The following TBCEL variants were observed in gnomAD, a reference collection of about 807,000 sequenced individuals.
TBCEL encodes the protein tubulin folding cofactor E like.
Under a neutral mutation model 44.2 loss-of-function variants are expected in TBCEL, and 15 were observed. The observed-to-expected ratio is 0.34, with a 90% CI of 0.23 to 0.52. TBCEL has a LOEUF of 0.52. Among genes scored for constraint, TBCEL ranks in the 20% least tolerant of loss-of-function variants. TBCEL has a pLI of 0.95. For synonymous variants in TBCEL, 171 were observed against 185.4 expected (o/e 0.92, Z 0.63); for missense variants, 319 against 506.3 (o/e 0.63, Z 3.55).
intron 8 of TBCEL, among the ~76,000 whole-genome samples, chr11:121,079,126 ACT>A: frequency 6.6e-6 from 1 of 152,362 alleles, no homozygotes; most frequent in Middle Eastern, 3.4e-3. Flanking sequence ...ACTTCAAGAT[ACT>A]TTGCTATATG....
At chr11:121,027,288 C>A (rs994897161) in intron 1 of TBCEL, among the ~76,000 whole-genome samples, 2 of 152,134 alleles carry the variant, frequency 1.3e-5, no homozygotes, top group African/African-American at 4.8e-5. Flanking sequence ...TTGAGATTTA[C>A]TATTCCTCCC....
In TBCEL at chr11:121,088,299, A is replaced by AAG. The variant is rs1359780005; in HGVS notation, c.*1204_*1205dup. 1 of 152,214 alleles carries AAG rather than the reference A, an allele frequency of 6.6e-6. No homozygotes were observed. Among genetic ancestry groups the AAG allele is most frequent in the Non-Finnish European group, 1.5e-5 (1 of 68,036 alleles). 9.4% of individuals were successfully genotyped at this position (152,214 alleles called of 1,614,324 possible). A position where few individuals can be genotyped will look rare whatever the true frequency, so the allele number is the denominator to read the frequency against. The stretch of plus-strand genomic sequence containing the variant: ...ACATTTCAATTTAGTTGCCTCATAG[A>AAG]AGTATAACTGCCCAATCTATGAGTA... On this transcript the variant is annotated 3_prime_UTR_variant, in exon 9 of 9. Transcript: ENST00000683345.
At chr11:121,028,694 C>T (rs1565489353) in intron 1 of TBCEL, among the ~76,000 whole-genome samples, 1 of 152,212 alleles carries the variant, frequency 6.6e-6, no homozygotes, top group Non-Finnish European at 1.5e-5. Flanking sequence ...CAACAGTGGT[C>T]ACCGCAGTAA....
intron 2 of TBCEL, among the ~76,000 whole-genome samples, chr11:121,044,247 A>G (rs1476513681): frequency 2.0e-5 from 3 of 152,062 alleles, no homozygotes; most frequent in African/African-American, 7.2e-5. Context: ...TTTCCTGCAT[A>G]TTCATCAGCT....
At chr11:121,038,838 A>G (rs1945280267) in intron 2 of TBCEL, among the ~76,000 whole-genome samples, 1 of 152,120 alleles carries the variant, frequency 6.6e-6, no homozygotes, top group African/African-American at 2.4e-5. Flanking sequence ...AAGCCTCTCA[A>G]AGGTATGATT....
At chr11:121,049,420 A>G (rs1344955606) in intron 4 of TBCEL, among the ~76,000 whole-genome samples, 1 of 151,850 alleles carries the variant, frequency 6.6e-6, no homozygotes, top group Non-Finnish European at 1.5e-5. Context: ...TAAATCTGGT[A>G]ACTGTGTTCG....
chr11:121,034,557 C>T (rs1945198308), intron 1 of TBCEL, among the ~76,000 whole-genome samples: 1 of 152,062 alleles, frequency 6.6e-6, no homozygotes, highest in African/African-American at 2.4e-5. Flanking sequence ...TTGGTATGCA[C>T]AATCAGAAGT....
chr11:121,044,612 AT>A (rs2134917281), intron 2 of TBCEL, among the ~76,000 whole-genome samples: 1 of 152,236 alleles, frequency 6.6e-6, no homozygotes, highest in Admixed American at 6.5e-5. Flanking sequence ...ACAGAGGTCA[AT>A]TTTAGCTGCC....
intron 5 of TBCEL, among the ~76,000 whole-genome samples, chr11:121,054,551 G>A (rs1418926624): frequency 6.6e-6 from 1 of 151,824 alleles, no homozygotes; most frequent in Non-Finnish European, 1.5e-5. Flanking sequence ...GCAGAAGTAG[G>A]ACTAAAATCT....
intron 4 of TBCEL, among the ~76,000 whole-genome samples, chr11:121,050,793 G>C (rs1353867332): frequency 6.6e-6 from 1 of 151,656 alleles, no homozygotes; most frequent in African/African-American, 2.4e-5. Flanking sequence ...CCAAAGTAAA[G>C]GGTCCCCTAT....
At chr11:121,061,111 A>G (rs1945713643) in intron 8 of TBCEL, among the ~76,000 whole-genome samples, 1 of 152,076 alleles carries the variant, frequency 6.6e-6, no homozygotes, top group Non-Finnish European at 1.5e-5. Context: ...GATTTTTAAG[A>G]TAACTTTTAA....
chr11:121,050,063 T>C (rs1047568936), intron 4 of TBCEL, among the ~76,000 whole-genome samples: 1 of 151,766 alleles, frequency 6.6e-6, no homozygotes, highest in Non-Finnish European at 1.5e-5. Flanking sequence ...ATCATTCCTT[T>C]ATATTTCCTC....
In TBCEL at chr11:121,081,333, C is replaced by T. The variant is rs374690208; in HGVS notation, c.957-5445C>T. ...AGAGAACTTCTGAACACAAATACGG[C>T]GTACTTTACATTTTAGCATTTGATG... is the stretch of plus-strand genomic sequence containing the variant. On this transcript the variant is annotated intron_variant, in intron 8 of 8. Coordinates refer to ENST00000683345, the MANE Select transcript of TBCEL (RefSeq NM_001363644.2). Among the ~76,000 whole-genome samples, 160 of 152,208 alleles carry T rather than the reference C, an allele frequency of 1.1e-3. 1 individual carries two copies. Among genetic ancestry groups the T allele is most frequent in the African/African-American group, 3.4e-3 (140 of 41,510 alleles).
intron 1 of TBCEL, among the ~76,000 whole-genome samples, chr11:121,034,459 G>A (rs1945196625): frequency 6.6e-6 from 1 of 152,130 alleles, no homozygotes; most frequent in Non-Finnish European, 1.5e-5. Flanking sequence ...ATGTATTCTA[G>A]CCGTAGCTAT....
chr11:121,061,994 A>C (rs554322067), intron 8 of TBCEL, among the ~76,000 whole-genome samples: 2 of 152,152 alleles, frequency 1.3e-5, no homozygotes, highest in Non-Finnish European at 2.9e-5. Flanking sequence ...TTTAAAATGC[A>C]AACATTGTAC....
intron 1 of TBCEL, among the ~76,000 whole-genome samples, chr11:121,035,043 T>G (rs139077384): frequency 2.8e-3 from 428 of 152,314 alleles, no homozygotes; most frequent in Middle Eastern, 0.014. Flanking sequence ...ACCTAAAAAT[T>G]AGCTTATTTA....
chr11:121,090,239 C>A lies in TBCEL; in HGVS notation c.*3143C>A, dbSNP rs1450724539. 6.6e-6 allele frequency: 1 copy of A among 152,092 alleles called. No homozygotes were observed. Among genetic ancestry groups the A allele is most frequent in the Non-Finnish European group, 1.5e-5 (1 of 68,010 alleles). 9.4% of individuals were successfully genotyped at this position (152,092 alleles called of 1,614,324 possible). Reference sequence around the variant, plus strand: ...AAAGACAGGAAAATTCAGTTCTAACCAGATGTTCCAGCTATGTTACTCAAC... The same window carrying A: ...AAAGACAGGAAAATTCAGTTCTAACAAGATGTTCCAGCTATGTTACTCAAC... On this transcript the variant is annotated 3_prime_UTR_variant, in exon 9 of 9. Transcript: ENST00000683345.
intron 2 of TBCEL, among the ~76,000 whole-genome samples, chr11:121,037,209 C>T (rs1209602166): frequency 6.6e-6 from 1 of 152,104 alleles, no homozygotes; most frequent in Non-Finnish European, 1.5e-5. Context: ...GGTGTGAAAT[C>T]GTGGTGGCAT....
intron 6 of TBCEL, among the ~76,000 whole-genome samples, chr11:121,055,911 A>C (rs1422369006): frequency 6.6e-6 from 1 of 151,830 alleles, no homozygotes; most frequent in Non-Finnish European, 1.5e-5. Context: ...CCCATAGCAA[A>C]ATGGTACATT....
Sources: allele counts gnomAD v4.1 joint callset (sites outside exome capture counted in the v4.1 genomes callset), GRCh38; gene constraint gnomAD v4.1.1; transcripts MANE v1.5; gene names NCBI Gene and HGNC (gene_info 2026-07-23, HGNC 2026-07-21).